ADCY1: variants seen among roughly 807,000 people sequenced by gnomAD.
The protein encoded by ADCY1 is adenylate cyclase type 1.
In ADCY1, 28 loss-of-function variants were observed where a neutral mutation model predicts 105.4. That is an observed-to-expected ratio of 0.27 (90% CI 0.20 to 0.36). The LOEUF (loss-of-function observed/expected upper bound fraction) is 0.36, where lower values mean the gene tolerates loss of function less well. Ranked by LOEUF, ADCY1 falls within the 10% of genes least tolerant of loss-of-function variation. The pLI is 1.00. For synonymous variants in ADCY1, 655 were observed against 623.8 expected (o/e 1.05, Z -0.75); for missense variants, 977 against 1,434.2 (o/e 0.68, Z 5.15).
rs1328325310 is a variant in ADCY1, at chr7:45,703,327, T to C, written c.2455-49T>C. On this transcript the variant is annotated intron_variant, in intron 14 of 19. Coordinates refer to ENST00000297323, the MANE Select transcript of ADCY1 (RefSeq NM_021116.4). The surrounding 1 kb of genome is among the most constrained non-coding windows in gnomAD (Gnocchi z 5.9). ...GAAGGAAGTGTGCGGTGGGAACAAG[T>C]GAAGGCAGCGTGAGTGGATGGGACT... is the stretch of plus-strand genomic sequence containing the variant. 15 of 1,567,454 alleles carry C rather than the reference T, an allele frequency of 9.6e-6. No homozygotes were observed. The highest frequency in any genetic ancestry group is 9.7e-6 in the Non-Finnish European group (11 of 1,138,644).
chr7:45,603,284 T>C (rs778559539), intron 2 of ADCY1, among the ~76,000 whole-genome samples: 2 of 152,248 alleles, frequency 1.3e-5, no homozygotes, highest in Non-Finnish European at 2.9e-5. Context: ...GCACAAGTTT[T>C]TGTGTGAACA....
intron 8 of ADCY1, among the ~76,000 whole-genome samples, chr7:45,668,706 T>G (rs1007889748): frequency 5.9e-5 from 9 of 152,250 alleles, no homozygotes; most frequent in African/African-American, 2.2e-4. Flanking sequence ...GAAGGAATGG[T>G]AGCAGCTCCT....
chr7:45,675,747 C>A (rs1784445075), intron 8 of ADCY1, among the ~76,000 whole-genome samples: 1 of 152,000 alleles, frequency 6.6e-6, no homozygotes, highest in South Asian at 2.1e-4. Context: ...TTTCCTCCCC[C>A]AAAAAATCAG....
rs1329096892 is a variant in ADCY1, at chr7:45,710,209, A to T, written c.2933-319A>T. On this transcript the variant is annotated intron_variant, in intron 18 of 19. Coordinates refer to ENST00000297323, the MANE Select transcript of ADCY1 (RefSeq NM_021116.4). The surrounding 1 kb of genome is among the most constrained non-coding windows in gnomAD (Gnocchi z 4.7). ...TGGCTCCCCTGGTAGGGCTCAGCAC[A>T]GAGGCTGCTATTCCAGGAAAGGGGA... Among the ~76,000 whole-genome samples the T allele has an allele frequency of 1.3e-5, 2 of 152,232 alleles. No individual in the cohort carries two copies. Among genetic ancestry groups the T allele is most frequent in the Non-Finnish European group, 2.9e-5 (2 of 68,040 alleles).
chr7:45,667,924 CTG>C (rs1784292227), intron 8 of ADCY1, among the ~76,000 whole-genome samples: 1 of 152,142 alleles, frequency 6.6e-6, no homozygotes, highest in Non-Finnish European at 1.5e-5. Flanking sequence ...TGATTTAGCT[CTG>C]TTTGTCTGTT....
intron 3 of ADCY1, among the ~76,000 whole-genome samples, chr7:45,617,627 G>A (rs1015024151): frequency 3.9e-5 from 6 of 152,144 alleles, no homozygotes; most frequent in Non-Finnish European, 8.8e-5. Flanking sequence ...TGAAAAAGAA[G>A]TCTAGAAAGC....
chr7:45,690,020 C>G (rs1784757418), intron 14 of ADCY1, among the ~76,000 whole-genome samples: 1 of 152,226 alleles, frequency 6.6e-6, no homozygotes, highest in South Asian at 2.1e-4. Context: ...GGACCCGATC[C>G]CTGTCTCCAA....
rs375327316 is a variant in ADCY1, at chr7:45,711,640, T to C, written c.3057+988T>C. Among the ~76,000 whole-genome samples the C allele has an allele frequency of 1.2e-3, 24 of 20,768 alleles. 1 individual carries two copies. Among genetic ancestry groups the C allele is most frequent in the Middle Eastern group, 0.045 (1 of 22 alleles). 13.6% of individuals were successfully genotyped at this position (20,768 alleles called of 152,430 possible). ...ATATATATATATATATATATATATA[T>C]ATATACACACACACACGTATGTATA... On this transcript the variant is annotated intron_variant, in intron 19 of 19. Transcript: ENST00000297323.
At chr7:45,680,367 C>T (rs568641790) in intron 11 of ADCY1, 3 of 168,704 alleles carry the variant, frequency 1.8e-5, no homozygotes, top group Middle Eastern at 2.7e-3. Flanking sequence ...GCAGGAAAGA[C>T]GTGAGCTTTG....
chr7:45,664,655 A>T (rs1485462809), intron 8 of ADCY1: 1 of 519,106 alleles, frequency 1.9e-6, no homozygotes, highest in African/African-American at 1.9e-5. Flanking sequence ...TTTTTTTAAT[A>T]AACTTGACTG....
chr7:45,601,839 CAGG>C (rs1793247696), intron 2 of ADCY1, among the ~76,000 whole-genome samples: 1 of 152,054 alleles, frequency 6.6e-6, no homozygotes, highest in Non-Finnish European at 1.5e-5. Flanking sequence ...GAGATGGTGC[CAGG>C]AGAAGGGAAG....
chr7:45,609,970 C>T (rs1473285686), intron 2 of ADCY1, among the ~76,000 whole-genome samples: 2 of 152,234 alleles, frequency 1.3e-5, no homozygotes, highest in Non-Finnish European at 2.9e-5. Context: ...CAAGAGGACT[C>T]TGTGGGTACC....
At chr7:45,687,207 AG>A (rs59868074) in intron 14 of ADCY1, among the ~76,000 whole-genome samples, 21,362 of 152,238 alleles carry the variant, frequency 0.14, 1,918 homozygotes, top group East Asian at 0.37. Flanking sequence ...TCCATGGAGT[AG>A]CAAACATGTG....
intron 8 of ADCY1, among the ~76,000 whole-genome samples, chr7:45,675,185 G>GTATATCTTGTTGCATACAATTTTTTGTA (rs1423070296): frequency 2.0e-5 from 3 of 151,774 alleles, no homozygotes; most frequent in African/African-American, 7.3e-5. Context: ...TTTATATATA[G>GTATATCTTGTTGCATACAATTTTTTGTA]TATATCTTGT....
chr7:45,609,186 GCTC>G (rs1793461343), intron 2 of ADCY1, among the ~76,000 whole-genome samples: 2 of 152,246 alleles, frequency 1.3e-5, no homozygotes, highest in Admixed American at 6.5e-5. Context: ...CACTGTGGCT[GCTC>G]CTATGGCTCC....
chr7:45,610,751 T>TGGTGGATATGG (rs1793523585), intron 3 of ADCY1, among the ~76,000 whole-genome samples: 3 of 124,358 alleles, frequency 2.4e-5, no homozygotes, highest in Non-Finnish European at 1.7e-5. Context: ...GAGGTGATGA[T>TGGTGGATATGG]GGAGGTGTAG....
intron 12 of ADCY1, 102 bp downstream of exon 12, chr7:45,685,170 A>G (rs1784641543): frequency 9.0e-7 from 1 of 1,108,104 alleles, no homozygotes; most frequent in Non-Finnish European, 1.4e-6. Flanking sequence ...CAGGGAGGTC[A>G]TCAGAGACGT....
At chr7:45,691,328 G>T (rs1333823679) in intron 14 of ADCY1, among the ~76,000 whole-genome samples, 4 of 152,194 alleles carry the variant, frequency 2.6e-5, no homozygotes, top group Admixed American at 1.3e-4. Context: ...TGCCATGTTT[G>T]TCCACAGATA....
In ADCY1 at chr7:45,722,222, G is replaced by C. The variant is rs1435708695; in HGVS notation, c.*8227G>C. The C allele has an allele frequency of 1.0e-5, 2 of 193,642 alleles. No homozygotes were observed. The highest frequency in any genetic ancestry group is 4.6e-5 in the African/African-American group (2 of 43,298). The allele number at this position is 193,642 out of a possible 1,614,324, so 12.0% of individuals were successfully genotyped here. A position where few individuals can be genotyped will look rare whatever the true frequency, so the allele number is the denominator to read the frequency against. ...ACTAGGAGGCACGCCCAGTGTGGGA[G>C]AGATGTATGGTCTTGCCTTCCACCT... On this transcript the variant is annotated 3_prime_UTR_variant, in exon 20 of 20. Coordinates refer to ENST00000297323, the MANE Select transcript of ADCY1 (RefSeq NM_021116.4).
Sources: gnomAD v4.1 joint callset for allele counts (sites outside exome capture counted in the v4.1 genomes callset) on GRCh38, gnomAD v4.1.1 for gene constraint, Gnocchi (gnomAD v3.1) non-coding constraint, MANE v1.5 for transcripts, NCBI Gene and HGNC (gene_info 2026-07-23, HGNC 2026-07-21) for gene names.